Variants in LHX8 observed in about 807,000 individuals in gnomAD.
LHX8 encodes LIM homeobox 8.
Under a neutral mutation model 40.3 loss-of-function variants are expected in LHX8, and 12 were observed. The ratio of observed to expected loss-of-function variants is 0.30; its 90% CI spans 0.19 to 0.48. The LOEUF (loss-of-function observed/expected upper bound fraction) is 0.48, where lower values mean the gene tolerates loss of function less well. Ranked by LOEUF, LHX8 falls within the 20% of genes least tolerant of loss-of-function variation. The pLI, the probability that LHX8 is intolerant of heterozygous loss-of-function variation, is 0.99. For missense variants in LHX8, 344 were observed against 433.7 expected (o/e 0.79, Z 1.84); for synonymous variants, 179 against 162.0 (o/e 1.10, Z -0.80).
chr1:75,153,569 G>A (rs1648673574), intron 7 of LHX8, among the ~76,000 whole-genome samples: 1 of 150,110 alleles, frequency 6.7e-6, no homozygotes, highest in African/African-American at 2.5e-5. Context: ...CTGCCATCAT[G>A]ACTGGCTAAT....
chr1:75,140,510 G>T (rs1159041941), intron 3 of LHX8, among the ~76,000 whole-genome samples: 1 of 152,112 alleles, frequency 6.6e-6, no homozygotes, highest in East Asian at 1.9e-4. Context: ...TTTCTTTATT[G>T]CTCTGTTTAG....
In LHX8 at chr1:75,146,166, A is replaced by G. The variant is rs374978144; in HGVS notation, c.684+2218A>G. ...TCTCCTACATTTAGGAATGCTGAAT[A>G]TTTTCAACTAGAGCTTGAATTTGGC... On this transcript the variant is annotated intron_variant, in intron 6 of 8. Coordinates refer to ENST00000356261, the MANE Select transcript of LHX8 (RefSeq NM_001256114.2). 7.2e-5 allele frequency among the ~76,000 whole-genome samples: 11 copies of G among 152,276 alleles called. No individual in the cohort carries two copies. The East Asian group carries it at 1.4e-3, about 19-fold the overall frequency.
chr1:75,131,749 C>T (rs1310377055), upstream of LHX8: 1 of 152,292 alleles, frequency 6.6e-6, no homozygotes, highest in African/African-American at 2.4e-5. Context: ...GGGAGATACA[C>T]TCAAGGCTTC....
rs749421849 is a variant in LHX8 at position 75,141,084 on chromosome 1, T to A, written c.337T>A (p.Phe113Ile). 2 of 1,613,306 alleles carry A rather than the reference T, an allele frequency of 1.2e-6. No homozygotes were observed. Among genetic ancestry groups the A allele is most frequent in the South Asian group, 2.2e-5 (2 of 91,078 alleles). Residue 113 changes from phenylalanine to isoleucine, a missense_variant, in exon 4 of 9, where the codon TTC becomes ATC. Coordinates refer to ENST00000356261, the MANE Select transcript of LHX8 (RefSeq NM_001256114.2). ...TSCYIKDKDI[F>I]CKLDYFRRYG... ...CTGTTATATTAAAGACAAAGACATT[T>A]TCTGCAAACTTGATTATTTCAGGTA...
chr1:75,131,354 A>T (rs192648053), upstream of LHX8: 8 of 158,480 alleles, frequency 5.0e-5, no homozygotes, highest in East Asian at 1.4e-3. Context: ...AGGGTTCAAT[A>T]GTCAAGTTGG....
At chr1:75,172,888 G>A in the LHX8 span, among the ~76,000 whole-genome samples, 1 of 152,152 alleles carries the variant, frequency 6.6e-6, no homozygotes, top group South Asian at 2.1e-4. Context: ...CTTGCCAGTG[G>A]AGTCTCTCTG....
intron 7 of LHX8, 72 bp downstream of exon 7, chr1:75,148,754 A>T: frequency 2.9e-6 from 3 of 1,038,414 alleles, no homozygotes; most frequent in Admixed American, 2.0e-5. Context: ...TGTTGCCCAG[A>T]CTGATCTTGA....
the LHX8 span, among the ~76,000 whole-genome samples, chr1:75,168,569 C>T: frequency 1.3e-5 from 2 of 152,068 alleles, no homozygotes; most frequent in South Asian, 2.1e-4. Flanking sequence ...TGCTGTCAAC[C>T]CCTCTTTTTT....
At chr1:75,192,228 A>C in the LHX8 span, among the ~76,000 whole-genome samples, 18 of 152,306 alleles carry the variant, frequency 1.2e-4, no homozygotes, top group African/African-American at 4.1e-4. Flanking sequence ...TTCACATTAG[A>C]GTTGGTTTTG....
chr1:75,148,455 C>T, intron 6 of LHX8, 132 bp from the exon 7 acceptor site: 1 of 708,878 alleles, frequency 1.4e-6, no homozygotes, highest in African/African-American at 1.8e-5. Flanking sequence ...CCCATATTTC[C>T]CCATACCGAT....
chr1:75,166,821 A>G, the LHX8 span, among the ~76,000 whole-genome samples: 1 of 152,326 alleles, frequency 6.6e-6, no homozygotes, highest in East Asian at 1.9e-4. Context: ...AAGGATCGGG[A>G]AACTTCTAAC....
In LHX8 at chr1:75,141,125, T is replaced by C. The variant is rs770646103; in HGVS notation, c.359+19T>C. ...ATTTCAGGTATGCTGTGAAGCTTTT[T>C]CTTAGTAGATACTTGAATAAATTAT... is the stretch of plus-strand genomic sequence containing the variant. On this transcript the variant is annotated intron_variant, in intron 4 of 8. Coordinates refer to ENST00000356261, the MANE Select transcript of LHX8 (RefSeq NM_001256114.2). The C allele has an allele frequency of 6.2e-7, 1 of 1,610,998 alleles. No homozygotes were observed. The highest frequency in any genetic ancestry group is 1.7e-4 in the Middle Eastern group (1 of 6,054).
At chr1:75,182,778 T>G in the LHX8 span, among the ~76,000 whole-genome samples, 1 of 152,256 alleles carries the variant, frequency 6.6e-6, no homozygotes, top group African/African-American at 2.4e-5. Flanking sequence ...TTCTTTTTGC[T>G]TAGTCTTGCC....
chr1:75,172,804 G>A, the LHX8 span, among the ~76,000 whole-genome samples: 1 of 151,970 alleles, frequency 6.6e-6, no homozygotes, highest in African/African-American at 2.4e-5. Flanking sequence ...CTTAGAAATG[G>A]AAACAAAAAT....
chr1:75,157,885 T>A (rs2100363137), intron 8 of LHX8, among the ~76,000 whole-genome samples: 1 of 152,370 alleles, frequency 6.6e-6, no homozygotes, highest in Non-Finnish European at 1.5e-5. Flanking sequence ...TTGTACATGC[T>A]TTTTGTGCAC....
chr1:75,144,766 C>T (rs1852348), intron 6 of LHX8, among the ~76,000 whole-genome samples: 32,830 of 151,940 alleles, frequency 0.22, 4,261 homozygotes, highest in Middle Eastern at 0.34. Context: ...ATTTGTTGAA[C>T]GCCTATCACA....
chr1:75,150,830 C>G (rs549959969), intron 7 of LHX8, among the ~76,000 whole-genome samples: 13 of 152,008 alleles, frequency 8.6e-5, no homozygotes, highest in South Asian at 2.1e-4. Flanking sequence ...GTGCAAGCCA[C>G]CATGCCTAGC....
the LHX8 span, among the ~76,000 whole-genome samples, chr1:75,182,488 C>T: frequency 4.0e-4 from 60 of 151,528 alleles, no homozygotes; most frequent in African/African-American, 1.4e-3. Context: ...ATTCTCCTGC[C>T]TCAGGCTCCC....
At chr1:75,140,781 T>G (rs1464761936) in intron 3 of LHX8, among the ~76,000 whole-genome samples, 1 of 152,136 alleles carries the variant, frequency 6.6e-6, no homozygotes, top group Non-Finnish European at 1.5e-5. Context: ...TAGTATAAAT[T>G]TTTGGTTGAG....
Sources: gnomAD v4.1 joint callset for allele counts (sites outside exome capture counted in the v4.1 genomes callset) on GRCh38, gnomAD v4.1.1 for gene constraint, MANE v1.5 for transcripts, NCBI Gene and HGNC (gene_info 2026-07-23, HGNC 2026-07-21) for gene names.